The following MAP2K5 variants were observed in gnomAD, a reference collection of about 807,000 sequenced individuals.
The protein encoded by MAP2K5 is dual specificity mitogen-activated protein kinase kinase 5.
Under a neutral mutation model 83.1 loss-of-function variants are expected in MAP2K5, and 49 were observed. That is an observed-to-expected ratio of 0.59 (90% confidence interval 0.47 to 0.75). The LOEUF (loss-of-function observed/expected upper bound fraction) is 0.75. MAP2K5 is among the 30% of genes least tolerant of loss of function. The pLI is 0.00. For missense variants in MAP2K5, 457 were observed against 557.5 expected (o/e 0.82, Z 1.82); for synonymous variants, 202 against 191.8 (o/e 1.05, Z -0.44).
chr15:67,703,951 G>A (rs1344862650), intron 16 of MAP2K5, among the ~76,000 whole-genome samples: 1 of 152,148 alleles, frequency 6.6e-6, no homozygotes, highest in Non-Finnish European at 1.5e-5. Flanking sequence ...GGGTTAAGGG[G>A]TGGTGTGATA....
intron 12 of MAP2K5, among the ~76,000 whole-genome samples, chr15:67,660,152 A>G (rs2087200598): frequency 6.7e-6 from 1 of 149,668 alleles, no homozygotes; most frequent in Non-Finnish European, 1.5e-5. Context: ...GGTCATAGTA[A>G]TGAAAACTAC....
intron 17 of MAP2K5, among the ~76,000 whole-genome samples, chr15:67,735,931 G>C (rs1566946689): frequency 6.6e-6 from 1 of 152,144 alleles, no homozygotes; most frequent in Admixed American, 6.5e-5. Flanking sequence ...CAAGAAGCAT[G>C]GGAAAGGATG....
Position 67,769,486 on chromosome 15 carries a change from G to A in MAP2K5, c.1135-116G>A. 2 of 851,988 alleles carry A rather than the reference G, an allele frequency of 2.3e-6. No individual in the cohort carries two copies. The highest frequency in any genetic ancestry group is 3.9e-6 in the Non-Finnish European group (2 of 517,276). The allele number at this position is 851,988 out of a possible 1,614,324, so 52.8% of individuals were successfully genotyped here. A position where few individuals can be genotyped will look rare whatever the true frequency, so the allele number is the denominator to read the frequency against. On this transcript the variant is annotated intron_variant, in intron 19 of 21. Transcript: ENST00000178640. The surrounding 1 kb of genome is among the most constrained non-coding windows in gnomAD (Gnocchi z 5.2). ...AAGACAGTCTTTTTAATTGGGTGAG[G>A]CCTTATTCTCATTGTATTCATCTTT...
intron 8 of MAP2K5, among the ~76,000 whole-genome samples, chr15:67,603,628 C>T (rs975882316): frequency 6.6e-6 from 1 of 152,126 alleles, no homozygotes; most frequent in African/African-American, 2.4e-5. Flanking sequence ...ATCATTTTTG[C>T]TCAGGCTTCA....
chr15:67,639,622 CA>C (rs2086670903), intron 9 of MAP2K5, among the ~76,000 whole-genome samples: 1 of 152,190 alleles, frequency 6.6e-6, no homozygotes, highest in Non-Finnish European at 1.5e-5. Context: ...ATTTCCCTCT[CA>C]AAAGTCTTCA....
chr15:67,568,393 C>T (rs2084884646), intron 3 of MAP2K5, among the ~76,000 whole-genome samples: 1 of 152,160 alleles, frequency 6.6e-6, no homozygotes, highest in Non-Finnish European at 1.5e-5. Context: ...GACATTGCCT[C>T]TAAAATCATG....
chr15:67,590,425 C>CT, intron 6 of MAP2K5, among the ~76,000 whole-genome samples: 11 of 129,904 alleles, frequency 8.5e-5, no homozygotes, highest in African/African-American at 3.2e-4. Flanking sequence ...CTCCCTCCCT[C>CT]CCTCTCTCTC....
intron 2 of MAP2K5, among the ~76,000 whole-genome samples, chr15:67,550,625 A>G (rs1326177643): frequency 6.6e-6 from 1 of 152,154 alleles, no homozygotes; most frequent in Non-Finnish European, 1.5e-5. Flanking sequence ...TTTGTCATGA[A>G]CCAGGTCATT....
intron 1 of MAP2K5, among the ~76,000 whole-genome samples, chr15:67,549,763 G>C (rs992754968): frequency 1.3e-5 from 2 of 151,914 alleles, no homozygotes; most frequent in East Asian, 3.9e-4. Context: ...AATACATGAC[G>C]GTTTATTTGT....
intron 8 of MAP2K5, among the ~76,000 whole-genome samples, chr15:67,626,975 C>T (rs549877303): frequency 5.3e-5 from 8 of 149,746 alleles, no homozygotes; most frequent in Non-Finnish European, 7.4e-5. Flanking sequence ...CTCTGTCACC[C>T]GGGCTGTAGT....
intron 21 of MAP2K5, among the ~76,000 whole-genome samples, chr15:67,798,253 C>T (rs560488171): frequency 2.1e-4 from 32 of 152,178 alleles, no homozygotes; most frequent in Non-Finnish European, 3.7e-4. Context: ...TGGGCATCTG[C>T]GTGGCCCAAA....
chr15:67,736,920 A>T lies in MAP2K5; in HGVS notation c.1074+8975A>T, dbSNP rs1308433311. Among the ~76,000 whole-genome samples the T allele has an allele frequency of 6.6e-6, 1 of 152,180 alleles. No homozygotes were observed. Among genetic ancestry groups the T allele is most frequent in the Non-Finnish European group, 1.5e-5 (1 of 68,032 alleles). ...CAGCATGTGAAGAGATCTTACAATG[A>T]TCTAGTCCAACTCTTAGATTACAGA... On this transcript the variant is annotated intron_variant, in intron 17 of 21. Transcript: ENST00000178640. The surrounding 1 kb of genome is among the most constrained non-coding windows in gnomAD (Gnocchi z 4.3).
chr15:67,549,416 G>T (rs1352651153), intron 1 of MAP2K5, among the ~76,000 whole-genome samples: 9 of 152,176 alleles, frequency 5.9e-5, no homozygotes, highest in Non-Finnish European at 1.2e-4. Context: ...TGTGTTAAAT[G>T]TGGCATAATG....
intron 11 of MAP2K5, among the ~76,000 whole-genome samples, chr15:67,651,276 A>G (rs912325717): frequency 2.0e-5 from 3 of 152,256 alleles, no homozygotes; most frequent in African/African-American, 4.8e-5. Context: ...TATGGAGTAC[A>G]TGCATAATAA....
chr15:67,586,387 G>A (rs1368605775), intron 5 of MAP2K5, among the ~76,000 whole-genome samples: 1 of 152,098 alleles, frequency 6.6e-6, no homozygotes, highest in Non-Finnish European at 1.5e-5. Context: ...AGAAAAGCTG[G>A]CTTTTGTATT....
In MAP2K5 at chr15:67,801,086, C is replaced by T. The variant is rs1373002729; in HGVS notation, c.1243-5560C>T. On this transcript the variant is annotated intron_variant, in intron 21 of 21. Coordinates refer to ENST00000178640, the MANE Select transcript of MAP2K5 (RefSeq NM_145160.3). This position sits in a 1 kb window ranked among gnomAD's most constrained non-coding sequence, Gnocchi z 4.8. ...CAAAGCACCTCACACCCTATGGCTC[C>T]GCTGGACTGTGAGATCCCATCTAGT... Among the ~76,000 whole-genome samples the T allele has an allele frequency of 6.6e-6, 1 of 152,128 alleles. No homozygotes were observed. The highest frequency in any genetic ancestry group is 1.9e-4 in the East Asian group (1 of 5,190).
intron 2 of MAP2K5, among the ~76,000 whole-genome samples, chr15:67,550,777 CT>C (rs11334748): frequency 0.99 from 134,198 of 135,852 alleles, 66,276 homozygotes; most frequent in East Asian, 1. Flanking sequence ...TTTCTTTTTT[CT>C]TTTTTTTTTT....
chr15:67,617,092 C>T (rs1456077358), intron 8 of MAP2K5, among the ~76,000 whole-genome samples: 5 of 152,150 alleles, frequency 3.3e-5, no homozygotes, highest in African/African-American at 4.8e-5. Flanking sequence ...CATGCAATTA[C>T]GCTCCAGGTC....
intron 16 of MAP2K5, among the ~76,000 whole-genome samples, chr15:67,723,812 A>G (rs2089026139): frequency 6.6e-6 from 1 of 151,902 alleles, no homozygotes; most frequent in Non-Finnish European, 1.5e-5. Flanking sequence ...AAAGATGATA[A>G]AGAGAGCAAA....
Sources: gnomAD v4.1 joint callset for allele counts (sites outside exome capture counted in the v4.1 genomes callset) on GRCh38, gnomAD v4.1.1 for gene constraint, Gnocchi (gnomAD v3.1) non-coding constraint, MANE v1.5 for transcripts, NCBI Gene and HGNC (gene_info 2026-07-23, HGNC 2026-07-21) for gene names.